ZNF429: variants seen among roughly 807,000 people sequenced by gnomAD.
ZNF429 encodes the protein zinc finger protein 429.
In ZNF429, 53 loss-of-function variants were observed where a neutral mutation model predicts 56.8. The ratio of observed to expected loss-of-function variants is 0.93; its 90% confidence interval spans 0.75 to 1.17. ZNF429 has a LOEUF of 1.17. Among genes scored for constraint, ZNF429 ranks in the 50% most tolerant of loss-of-function variants. The pLI is 0.00. For synonymous variants in ZNF429, 278 were observed against 264.7 expected (o/e 1.05, Z -0.49); for missense variants, 849 against 788.4 (o/e 1.08, Z -0.92).
chr19:21,505,810 G>A, intron 1 of ZNF429, 36 bp downstream of exon 1: 1 of 1,609,106 alleles, frequency 6.2e-7, no homozygotes, highest in Non-Finnish European at 8.5e-7. Flanking sequence ...CAGAGAGGGG[G>A]AGGGGCTGGT....
At position 21,508,209 on chromosome 19, in the gene ZNF429, C is replaced by A. The variant is rs919390430; in HGVS notation, c.3+2435C>A. Among the ~76,000 whole-genome samples the A allele has an allele frequency of 1.1e-3, 160 of 151,438 alleles. 1 individual carries two copies. The highest frequency in any genetic ancestry group is 3.7e-3 in the African/African-American group (153 of 41,202). ...GGTGAGCCGAGATCGTGCCATTGCA[C>A]TCCAGCCTGTGCAACACGAGTGAAA... On this transcript the variant is annotated intron_variant, in intron 1 of 3. Coordinates refer to ENST00000358491, the MANE Select transcript of ZNF429 (RefSeq NM_001001415.4).
At chr19:21,532,315 C>T in intron 3 of ZNF429, among the ~76,000 whole-genome samples, 3 of 151,436 alleles carry the variant, frequency 2.0e-5, no homozygotes, top group Admixed American at 2.0e-4. Flanking sequence ...CTAGCCAAAG[C>T]AATCTTGAGG....
In ZNF429 at chr19:21,538,277, C is replaced by CA. The variant is rs531427318; in HGVS notation, c.*221dup. On this transcript the variant is annotated 3_prime_UTR_variant, in exon 4 of 4. Coordinates refer to ENST00000358491, the MANE Select transcript of ZNF429 (RefSeq NM_001001415.4). ...TGGGTGACAGAGCCAGACTCCATCT[C>CA]AAAAAAAAAAAAAAAAAAAAAAGAA... 0.052 allele frequency among the ~76,000 whole-genome samples: 1,793 copies of CA among 34,336 alleles called. 303 individuals carry two copies. The highest frequency in any genetic ancestry group is 0.19 in the African/African-American group (1,349 of 7,154). 22.5% of individuals were successfully genotyped at this position (34,336 alleles called of 152,430 possible). A position where few individuals can be genotyped will look rare whatever the true frequency, so the allele number is the denominator to read the frequency against.
chr19:21,532,152 T>C, intron 3 of ZNF429, among the ~76,000 whole-genome samples: 1 of 152,164 alleles, frequency 6.6e-6, no homozygotes, highest in Non-Finnish European at 1.5e-5. Flanking sequence ...TTAAAATATT[T>C]TGTATCTATG....
Position 21,512,818 on chromosome 19 carries a change from G to A in ZNF429, c.3+7044G>A, listed in dbSNP as rs193234591. 3.4e-4 allele frequency among the ~76,000 whole-genome samples: 52 copies of A among 152,046 alleles called. 1 individual carries two copies. Among genetic ancestry groups the A allele is most frequent in the Admixed American group, 2.8e-3 (42 of 15,270 alleles). On this transcript the variant is annotated intron_variant, in intron 1 of 3. Transcript: ENST00000358491. ...ATTTTTATGAGAGCAAGAAGAAAATGTGCAGAGTCTATGTCTGGCTTATGT... is the reference window on the plus strand; with the variant it reads ...ATTTTTATGAGAGCAAGAAGAAAATATGCAGAGTCTATGTCTGGCTTATGT...
At position 21,524,372 on chromosome 19, in the gene ZNF429, A is replaced by G. The variant is rs898688566; in HGVS notation, c.4-5286A>G. On this transcript the variant is annotated intron_variant, in intron 1 of 3. Coordinates refer to ENST00000358491, the MANE Select transcript of ZNF429 (RefSeq NM_001001415.4). ...GTGAAACCCCATCTCTACTAAAAATACAAAAATTAGCCGAGTGTGGTGGCA... is the reference window on the plus strand; with the variant it reads ...GTGAAACCCCATCTCTACTAAAAATGCAAAAATTAGCCGAGTGTGGTGGCA... Among the ~76,000 whole-genome samples the G allele has an allele frequency of 2.0e-5, 3 of 152,184 alleles. No individual in the cohort carries two copies. The East Asian group carries it at 5.8e-4, about 29-fold the overall frequency.
Position 21,539,198 on chromosome 19 carries a change from T to C in ZNF429, c.*1120T>C, listed in dbSNP as rs1218136533. 5.3e-5 allele frequency among the ~76,000 whole-genome samples: 8 copies of C among 150,842 alleles called. No homozygotes were observed. The East Asian group carries it at 1.2e-3, about 22-fold the overall frequency. The stretch of plus-strand genomic sequence containing the variant: ...TCTACATAAATATCATACATAGATA[T>C]GTATGATATTGAATACATGTATTAA... On this transcript the variant is annotated 3_prime_UTR_variant, in exon 4 of 4. Transcript: ENST00000358491.
intron 1 of ZNF429, chr19:21,529,415 CAT>C (rs1259010399): frequency 1.3e-6 from 1 of 749,078 alleles, no homozygotes; most frequent in Admixed American, 5.8e-5. Flanking sequence ...AGAAAAATGT[CAT>C]GTGTACACTG....
At chr19:21,532,231 A>G in intron 3 of ZNF429, among the ~76,000 whole-genome samples, 1 of 118,656 alleles carries the variant, frequency 8.4e-6, no homozygotes, top group Non-Finnish European at 1.8e-5. Flanking sequence ...GTGAATTCCC[A>G]ATGAAAATTT....
intron 1 of ZNF429, among the ~76,000 whole-genome samples, chr19:21,515,606 CT>C (rs1240723328): frequency 6.6e-6 from 1 of 151,610 alleles, no homozygotes; most frequent in Non-Finnish European, 1.5e-5. Context: ...TGAAAAAGCT[CT>C]TTAATTAGGT....
chr19:21,510,211 G>A (rs1213475659), intron 1 of ZNF429, among the ~76,000 whole-genome samples: 4 of 152,094 alleles, frequency 2.6e-5, no homozygotes, highest in South Asian at 4.1e-4. Flanking sequence ...GGAGGGGAAC[G>A]GCAAATGGAC....
chr19:21,512,887 T>C (rs890871630), intron 1 of ZNF429, among the ~76,000 whole-genome samples: 8 of 151,796 alleles, frequency 5.3e-5, no homozygotes, highest in African/African-American at 1.9e-4. Context: ...TTTTTTTTTT[T>C]TTGAGATGGA....
At chr19:21,510,367 C>T (rs926622904) in intron 1 of ZNF429, among the ~76,000 whole-genome samples, 1 of 151,982 alleles carries the variant, frequency 6.6e-6, no homozygotes, top group African/African-American at 2.4e-5. Flanking sequence ...TAAATTTCAG[C>T]GAGGTCTGAT....
rs575795769 is a variant in ZNF429, at chr19:21,529,708, G to A, written c.54G>A (p.Trp18Ter). Residue 18 changes from tryptophan (W) to a stop codon, truncating the protein, a stop_gained, in exon 2 of 4, where the codon TGG (tryptophan) becomes TGA (stop). Coordinates refer to ENST00000358491, the MANE Select transcript of ZNF429 (RefSeq NM_001001415.4). LOFTEE classifies it high-confidence loss of function. ...CCATAGAATTCTCTCTGGAGGAGTG[G>A]CAGTGCCTGGACACAGCACAACAGA... ...DVAIEFSLEE[W>*]QCLDTAQQNL... 6.2e-7 allele frequency: 1 copy of A among 1,600,330 alleles called. No homozygotes were observed.
At chr19:21,535,417 TTTCTTTC>T in intron 3 of ZNF429, among the ~76,000 whole-genome samples, 3,765 of 53,156 alleles carry the variant, frequency 0.071, 786 homozygotes, top group South Asian at 0.1. Flanking sequence ...TTTTCTTTTC[TTTCTTTC>T]TTTCTTTCTT....
In ZNF429 at chr19:21,536,729, G is replaced by C. The variant is rs1043321618; in HGVS notation, c.676G>C (p.Glu226Gln). The change falls in exon 4 of 4, where the codon GAG (glutamate) becomes CAG (glutamine). Residue 226 changes from glutamate to glutamine, a missense_variant. By Grantham distance (29) the Glu-to-Gln change is conservative. Coordinates refer to ENST00000358491, the MANE Select transcript of ZNF429 (RefSeq NM_001001415.4). Reference protein sequence around the residue: ...LTNHKRIYVGEKHYRCEECGK... With the variant: ...LTNHKRIYVGQKHYRCEECGK... ...TAACCATAAGAGAATTTATGTTGGT[G>C]AGAAACACTACAGATGTGAAGAATG... is the stretch of plus-strand genomic sequence containing the variant. 6.2e-7 allele frequency: 1 copy of C among 1,613,740 alleles called. No individual in the cohort carries two copies. Among genetic ancestry groups the C allele is most frequent in the Non-Finnish European group, 8.5e-7 (1 of 1,179,964 alleles).
At chr19:21,509,438 AT>A (rs2032348188) in intron 1 of ZNF429, among the ~76,000 whole-genome samples, 1 of 152,174 alleles carries the variant, frequency 6.6e-6, no homozygotes, top group Non-Finnish European at 1.5e-5. Flanking sequence ...ATTTTGCTGG[AT>A]TTTTCGAACA....
At chr19:21,506,434 T>C (rs2145404319) in intron 1 of ZNF429, among the ~76,000 whole-genome samples, 1 of 103,406 alleles carries the variant, frequency 9.7e-6, no homozygotes, top group South Asian at 3.4e-4. Context: ...ACAATGAGAC[T>C]ATCTCAAACA....
Position 21,536,291 on chromosome 19 carries a change from C to T in ZNF429, c.238C>T (p.His80Tyr), listed in dbSNP as rs199835976. The T allele has an allele frequency of 2.0e-4, 314 of 1,573,480 alleles. 1 individual carries two copies. In the South Asian group the frequency reaches 3.5e-3, roughly 17 times the overall value. ...TAATTTTATTTTAGTTGTGTGTTCT[C>T]ATTTTGCTGAAGACTTTTGGCCAGA... is the stretch of plus-strand genomic sequence containing the variant. ...MVDEPPVVCS[H>Y]FAEDFWPEQD... The change falls in exon 4 of 4, where the codon CAT becomes TAT. Residue 80 changes from histidine to tyrosine, a missense_variant. Physicochemically the swap from His to Tyr is moderately conservative, Grantham distance 83 (BLOSUM62 2). Transcript: ENST00000358491.
Sources: allele counts gnomAD v4.1 joint callset (sites outside exome capture counted in the v4.1 genomes callset), GRCh38; gene constraint gnomAD v4.1.1; transcripts MANE v1.5; gene names NCBI Gene and HGNC (gene_info 2026-07-23, HGNC 2026-07-21).